The following XPO4 variants were observed in gnomAD, a reference collection of about 807,000 sequenced individuals.
XPO4 encodes the protein exportin-4.
A neutral mutation model predicts 143.0 loss-of-function variants in XPO4; 39 were observed. The ratio of observed to expected loss-of-function variants is 0.27; its 90% confidence interval spans 0.21 to 0.36. The LOEUF (loss-of-function observed/expected upper bound fraction) is 0.36. XPO4 is among the 10% of genes least tolerant of loss of function. The pLI, the probability that XPO4 is intolerant of heterozygous loss-of-function variation, is 1.00. For missense variants in XPO4, 907 were observed against 1,348.0 expected, an observed-to-expected ratio of 0.67 and a Z score of 5.12; for synonymous variants, 439 against 474.0, an observed-to-expected ratio of 0.93 and a Z score of 0.96.
At chr13:20,869,578 A>C (rs536948394) in intron 1 of XPO4, 42 of 830,246 alleles carry the variant, frequency 5.1e-5, no homozygotes, top group Middle Eastern at 6.2e-4. Flanking sequence ...AAAATGTTAC[A>C]ATCAATTATA....
chr13:20,817,958 G>A (rs1413371426), intron 9 of XPO4, among the ~76,000 whole-genome samples: 2 of 138,624 alleles, frequency 1.4e-5, no homozygotes, highest in Non-Finnish European at 3.1e-5. Context: ...ACCATGCCTG[G>A]CTAATTTTTG....
intron 4 of XPO4, chr13:20,848,801 T>G (rs1202114309): frequency 2.0e-6 from 2 of 985,226 alleles, no homozygotes; most frequent in Non-Finnish European, 1.2e-6. Flanking sequence ...TTTGGTTGTT[T>G]ATAAATTTCT....
chr13:20,853,377 C>A (rs1459104324), intron 4 of XPO4, among the ~76,000 whole-genome samples: 1 of 148,862 alleles, frequency 6.7e-6, no homozygotes, highest in African/African-American at 2.5e-5. Flanking sequence ...GGTACAGTAG[C>A]CTGTACCTTA....
chr13:20,811,261 T>C (rs900576624), intron 9 of XPO4, among the ~76,000 whole-genome samples: 3 of 151,656 alleles, frequency 2.0e-5, no homozygotes, highest in African/African-American at 7.3e-5. Context: ...GCCACTGCAA[T>C]GCTTGAAACA....
At chr13:20,883,205 T>C (rs1181289486) in intron 1 of XPO4, among the ~76,000 whole-genome samples, 3 of 152,212 alleles carry the variant, frequency 2.0e-5, no homozygotes, top group Non-Finnish European at 4.4e-5. Flanking sequence ...CTCTCTTCAA[T>C]TACACCTTTG....
chr13:20,885,555 GGACA>G (rs144533892), intron 1 of XPO4, among the ~76,000 whole-genome samples: 2,692 of 152,162 alleles, frequency 0.018, 91 homozygotes, highest in African/African-American at 0.06. Flanking sequence ...AAACTAAGAT[GGACA>G]GACTGGATAA....
intron 9 of XPO4, among the ~76,000 whole-genome samples, chr13:20,818,239 G>C (rs901665524): frequency 3.3e-5 from 5 of 152,164 alleles, no homozygotes; most frequent in Admixed American, 6.5e-5. Context: ...TGCAGCCACA[G>C]AGAAACTTGG....
chr13:20,842,576 A>G (rs1230494878), intron 6 of XPO4, among the ~76,000 whole-genome samples: 1 of 152,220 alleles, frequency 6.6e-6, no homozygotes, highest in East Asian at 1.9e-4. Context: ...TCGGTTTCTT[A>G]AAAGGTAATT....
intron 21 of XPO4, 51 bp from the exon 22 acceptor site, chr13:20,787,108 TCCAGTCCCTCC>T: frequency 7.0e-7 from 1 of 1,431,316 alleles, no homozygotes; most frequent in Non-Finnish European, 9.6e-7. Context: ...TCATATATCC[TCCAGTCCCTCC>T]CCAGTCCAAA....
At position 20,843,900 on chromosome 13, in the gene XPO4, A is replaced by G. The variant is rs1227098961; in HGVS notation, c.457-14T>C. 7 of 1,571,582 alleles carry G rather than the reference A, an allele frequency of 4.5e-6. No homozygotes were observed. In the African/African-American group the frequency reaches 5.4e-5, roughly 12 times the overall value. On this transcript the variant is annotated splice_polypyrimidine_tract_variant and intron_variant, in intron 4 of 22. Coordinates refer to ENST00000255305, the MANE Select transcript of XPO4 (RefSeq NM_022459.5). ...GGCCAGAGTTTGCTGTAATTATTTGATAAGAAATAATTGTGAGGCATTACT... is the reference window on the plus strand; with the variant it reads ...GGCCAGAGTTTGCTGTAATTATTTGGTAAGAAATAATTGTGAGGCATTACT...
At chr13:20,867,762 G>C (rs2060257413) in intron 2 of XPO4, among the ~76,000 whole-genome samples, 1 of 152,162 alleles carries the variant, frequency 6.6e-6, no homozygotes, top group Non-Finnish European at 1.5e-5. Flanking sequence ...ATAAAAGTCA[G>C]ATGTTCTAGT....
chr13:20,845,069 ACACCAAGG>A (rs1290245091), intron 4 of XPO4, among the ~76,000 whole-genome samples: 3 of 152,212 alleles, frequency 2.0e-5, no homozygotes, highest in Non-Finnish European at 4.4e-5. Flanking sequence ...GCTACTTGGG[ACACCAAGG>A]CAGGAGAACG....
chr13:20,807,678 C>T (rs2059524914), intron 12 of XPO4, 44 bp from the exon 13 acceptor site: 2 of 1,427,846 alleles, frequency 1.4e-6, no homozygotes, highest in African/African-American at 2.9e-5. Context: ...AACAAATCTA[C>T]ATTTATCAAA....
At chr13:20,874,660 G>A (rs1045631328) in intron 1 of XPO4, among the ~76,000 whole-genome samples, 2 of 152,132 alleles carry the variant, frequency 1.3e-5, no homozygotes, top group African/African-American at 4.8e-5. Flanking sequence ...CCGGCACCAT[G>A]CTCTTGGACT....
In XPO4 at chr13:20,786,283, G is replaced by GTATA. The variant is rs147465636; in HGVS notation, c.3258+678_3258+681dup. 8.7e-3 allele frequency among the ~76,000 whole-genome samples: 1,209 copies of GTATA among 138,242 alleles called. 6 individuals are homozygous for GTATA. The highest frequency in any genetic ancestry group is 0.013 in the African/African-American group (479 of 35,786). 90.7% of individuals were successfully genotyped at this position (138,242 alleles called of 152,430 possible). On this transcript the variant is annotated intron_variant, in intron 22 of 22. Transcript: ENST00000255305. ...CAAAGCTTCTTGGCCATGCTGGGAG[G>GTATA]TATATATATATATACGTGTGTGTGT...
chr13:20,887,202 G>C (rs1262514552), intron 1 of XPO4, among the ~76,000 whole-genome samples: 1 of 152,136 alleles, frequency 6.6e-6, no homozygotes, highest in Non-Finnish European at 1.5e-5. Context: ...TAAGAGCCTA[G>C]CATATCATCA....
At chr13:20,788,647 C>G in intron 19 of XPO4, 31 bp from the exon 20 acceptor site, 1 of 1,552,446 alleles carries the variant, frequency 6.4e-7, no homozygotes, top group Non-Finnish European at 8.7e-7. Context: ...TATTTGGATG[C>G]TCATTAGTAT....
intron 4 of XPO4, 73 bp downstream of exon 4, chr13:20,855,554 T>G: frequency 1.5e-6 from 2 of 1,326,116 alleles, no homozygotes; most frequent in Non-Finnish European, 2.0e-6. Flanking sequence ...TATCCATTAC[T>G]CTTGCTATAA....
In XPO4 at chr13:20,778,319, G is replaced by A. The variant is rs189983825; in HGVS notation, c.*5403C>T. On this transcript the variant is annotated 3_prime_UTR_variant, in exon 23 of 23. Transcript: ENST00000255305. ...TGGAGTGGAATAAATCTCAATATAA[G>A]CTAAATAACAACATTACAAATCAAA... The A allele has an allele frequency of 2.5e-4, 38 of 152,170 alleles. 1 individual carries two copies. The highest frequency in any genetic ancestry group is 8.9e-4 in the African/African-American group (37 of 41,534). 9.4% of individuals were successfully genotyped at this position (152,170 alleles called of 1,614,324 possible).
Sources: allele counts gnomAD v4.1 joint callset (sites outside exome capture counted in the v4.1 genomes callset), GRCh38; gene constraint gnomAD v4.1.1; transcripts MANE v1.5; gene names NCBI Gene and HGNC (gene_info 2026-07-23, HGNC 2026-07-21).